The following BRIP1 variants were observed in gnomAD, a reference collection of about 807,000 sequenced individuals.
BRIP1 encodes the protein Fanconi anemia group J protein.
BRIP1 carries 88 observed loss-of-function variants against 119.7 expected under a neutral mutation model. The observed-to-expected ratio is 0.74, with a 90% CI of 0.62 to 0.88. The LOEUF (loss-of-function observed/expected upper bound fraction) is 0.88. BRIP1 is among the 40% of genes least tolerant of loss of function. The probability of loss-of-function intolerance (pLI) is 0.00; values close to 1 mark genes in which losing one functional copy is unlikely to be tolerated. For missense variants in BRIP1, 1,259 were observed against 1,455.4 expected, an observed-to-expected ratio of 0.87 and a Z score of 2.20; for synonymous variants, 443 against 496.5, an observed-to-expected ratio of 0.89 and a Z score of 1.43.
At chr17:61,772,835 A>C (rs2077477842) in intron 14 of BRIP1, among the ~76,000 whole-genome samples, 1 of 151,058 alleles carries the variant, frequency 6.6e-6, no homozygotes, top group Non-Finnish European at 1.5e-5. Flanking sequence ...AAAAAAAAAA[A>C]AAAAAAAACC....
rs547152856 is a variant in BRIP1, at chr17:61,814,492, G to A, written c.628-5735C>T. 7.9e-5 allele frequency among the ~76,000 whole-genome samples: 12 copies of A among 152,164 alleles called. No individual in the cohort carries two copies. In the South Asian group the frequency reaches 2.3e-3, roughly 29 times the overall value. ...TGAAAGGCTAATAAATATCTGAAAA[G>A]ATGTGCCATCTAATGTACAGCTTCA... is the stretch of plus-strand genomic sequence containing the variant. On this transcript the variant is annotated intron_variant, in intron 6 of 19. Coordinates refer to ENST00000259008, the MANE Select transcript of BRIP1 (RefSeq NM_032043.3). This position sits in a 1 kb window ranked among gnomAD's most constrained non-coding sequence, Gnocchi z 4.9.
At chr17:61,840,355 CAAAAAAAAAA>C (rs11334899) in intron 6 of BRIP1, among the ~76,000 whole-genome samples, 4 of 105,098 alleles carry the variant, frequency 3.8e-5, no homozygotes, top group Admixed American at 2.2e-4. Flanking sequence ...GACTCCGTCT[CAAAAAAAAAA>C]AAAAAAAAAA....
At position 61,700,053 on chromosome 17, in the gene BRIP1, G is replaced by A. The variant is rs1038293365; in HGVS notation, c.2493-6541C>T. On this transcript the variant is annotated intron_variant, in intron 17 of 19. Coordinates refer to ENST00000259008, the MANE Select transcript of BRIP1 (RefSeq NM_032043.3). This position sits in a 1 kb window ranked among gnomAD's most constrained non-coding sequence, Gnocchi z 4.1. ...CTCTTTGCTGACTGTGCTTGGTGTC[G>A]TTTCACTGTAATAAATCCTAGCCAT... Among the ~76,000 whole-genome samples the A allele has an allele frequency of 7.2e-5, 11 of 152,110 alleles. No individual in the cohort carries two copies. The East Asian group carries it at 1.2e-3, about 16-fold the overall frequency.
rs2078395855 is a variant in BRIP1, at chr17:61,825,659, AAAT to A, written c.628-16905_628-16903del. 6.6e-6 allele frequency among the ~76,000 whole-genome samples: 1 copy of A among 150,508 alleles called. No individual in the cohort carries two copies. Among genetic ancestry groups the A allele is most frequent in the South Asian group, 2.1e-4 (1 of 4,790 alleles). On this transcript the variant is annotated intron_variant, in intron 6 of 19. Coordinates refer to ENST00000259008, the MANE Select transcript of BRIP1 (RefSeq NM_032043.3). The surrounding 1 kb of genome is among the most constrained non-coding windows in gnomAD (Gnocchi z 4.1). ...TAAATAAATAAATAAATAAATAAAT[AAAT>A]AAATAAAATAACTGGGAATACAACT...
chr17:61,778,416 C>T lies in BRIP1; in HGVS notation c.1935+1845G>A, dbSNP rs1567810683. ...GAAAGTCTTGAGATTGGTTGCACAA[C>T]AACATATACATACTTAATAAGACTG... is the stretch of plus-strand genomic sequence containing the variant. On this transcript the variant is annotated intron_variant, in intron 13 of 19. Coordinates refer to ENST00000259008, the MANE Select transcript of BRIP1 (RefSeq NM_032043.3). This position sits in a 1 kb window ranked among gnomAD's most constrained non-coding sequence, Gnocchi z 4.4. 6.6e-6 allele frequency among the ~76,000 whole-genome samples: 1 copy of T among 152,056 alleles called. No individual in the cohort carries two copies. Among genetic ancestry groups the T allele is most frequent in the Non-Finnish European group, 1.5e-5 (1 of 68,012 alleles).
rs1490510639 is a variant in BRIP1 at position 61,757,649 on chromosome 17, G to A, written c.2098-13058C>T. ...CAAAAAACTTCAAAAAATGACATTT[G>A]TAAAACAACTAACATATTTACACAT... On this transcript the variant is annotated intron_variant, in intron 14 of 19. Transcript: ENST00000259008. The surrounding 1 kb of genome is among the most constrained non-coding windows in gnomAD (Gnocchi z 4.3). Among the ~76,000 whole-genome samples, 1 of 152,130 alleles carries A rather than the reference G, an allele frequency of 6.6e-6. No homozygotes were observed. Among genetic ancestry groups the A allele is most frequent in the Non-Finnish European group, 1.5e-5 (1 of 68,022 alleles).
At chr17:61,858,004 A>T in intron 3 of BRIP1, among the ~76,000 whole-genome samples, 1 of 152,146 alleles carries the variant, frequency 6.6e-6, no homozygotes. Flanking sequence ...TTCTATTTCA[A>T]ATAGAAACAT....
intron 17 of BRIP1, among the ~76,000 whole-genome samples, chr17:61,711,292 T>C (rs1365035815): frequency 6.6e-6 from 1 of 152,124 alleles, no homozygotes; most frequent in Non-Finnish European, 1.5e-5. Flanking sequence ...TAAGAATACT[T>C]ATTTTCCGCA....
intron 16 of BRIP1, among the ~76,000 whole-genome samples, chr17:61,719,185 C>T (rs574006461): frequency 3.2e-4 from 47 of 148,508 alleles, no homozygotes; most frequent in Non-Finnish European, 5.5e-4. Flanking sequence ...TGCCCCCCCC[C>T]CATGTTTATT....
In BRIP1 at chr17:61,853,733, C is replaced by A. The variant is rs2078855898; in HGVS notation, c.379+3325G>T. 1.3e-5 allele frequency among the ~76,000 whole-genome samples: 2 copies of A among 152,186 alleles called. No homozygotes were observed. Among genetic ancestry groups the A allele is most frequent in the Admixed American group, 1.3e-4 (2 of 15,280 alleles). ...TTGAATCCATACCTTACACCATATA[C>A]ACATATTAACTCAAAATGGATCTTA... On this transcript the variant is annotated intron_variant, in intron 4 of 19. Transcript: ENST00000259008. This position sits in a 1 kb window ranked among gnomAD's most constrained non-coding sequence, Gnocchi z 4.3.
rs1276460919 is a variant in BRIP1, at chr17:61,856,424, G to A, written c.379+634C>T. On this transcript the variant is annotated intron_variant, in intron 4 of 19. Transcript: ENST00000259008. The surrounding 1 kb of genome is among the most constrained non-coding windows in gnomAD (Gnocchi z 5.1). ...AGAAATGGTAGTTTGGACTATGGAG[G>A]TACCAATGGATATGGAGATGTACAT... is the stretch of plus-strand genomic sequence containing the variant. Among the ~76,000 whole-genome samples, 1 of 152,172 alleles carries A rather than the reference G, an allele frequency of 6.6e-6. No homozygotes were observed. Among genetic ancestry groups the A allele is most frequent in the East Asian group, 1.9e-4 (1 of 5,200 alleles).
rs2077004169 is a variant in BRIP1, at chr17:61,742,902, T to TA, written c.2379+110dup. On this transcript the variant is annotated intron_variant, in intron 16 of 19. Transcript: ENST00000259008. The surrounding 1 kb of genome is among the most constrained non-coding windows in gnomAD (Gnocchi z 4.7). ...AGGGTTACCATAAACCTTCAATTTG[T>TA]AAAAAAGCACTATAAAAGCAAAGCG... The TA allele has an allele frequency of 2.1e-6, 3 of 1,401,096 alleles. No homozygotes were observed. Among genetic ancestry groups the TA allele is most frequent in the African/African-American group, 1.4e-5 (1 of 69,908 alleles). The allele number at this position is 1,401,096 out of a possible 1,614,324, so 86.8% of individuals were successfully genotyped here. A position where few individuals can be genotyped will look rare whatever the true frequency, so the allele number is the denominator to read the frequency against.
At chr17:61,719,928 A>C (rs1388575996) in intron 16 of BRIP1, among the ~76,000 whole-genome samples, 1 of 152,046 alleles carries the variant, frequency 6.6e-6, no homozygotes, top group Non-Finnish European at 1.5e-5. Context: ...TCCTGGGCTC[A>C]AGTGATTCTC....
chr17:61,813,133 C>T (rs2078187890), intron 6 of BRIP1, among the ~76,000 whole-genome samples: 1 of 151,392 alleles, frequency 6.6e-6, no homozygotes, highest in Admixed American at 6.6e-5. Flanking sequence ...AAGGAGACTA[C>T]AAATTGAATT....
chr17:61,837,907 G>C (rs1603356950), intron 6 of BRIP1, among the ~76,000 whole-genome samples: 1 of 152,146 alleles, frequency 6.6e-6, no homozygotes, highest in East Asian at 1.9e-4. Flanking sequence ...GACTAGAAAT[G>C]ATAGAAAAAT....
rs2078915624 is a variant in BRIP1, at chr17:61,857,553, G to A, written c.206-322C>T. ...AGCCTGGCCAATATGGTAAAACCCT[G>A]TCTCTACTAAAAATACAAAAATTAG... is the stretch of plus-strand genomic sequence containing the variant. On this transcript the variant is annotated intron_variant, in intron 3 of 19. Transcript: ENST00000259008. The surrounding 1 kb of genome is among the most constrained non-coding windows in gnomAD (Gnocchi z 5.1). Among the ~76,000 whole-genome samples, 1 of 152,096 alleles carries A rather than the reference G, an allele frequency of 6.6e-6. No homozygotes were observed. The highest frequency in any genetic ancestry group is 2.4e-5 in the African/African-American group (1 of 41,406).
chr17:61,858,492 G>A (rs1327958772), intron 3 of BRIP1, among the ~76,000 whole-genome samples: 1 of 151,586 alleles, frequency 6.6e-6, no homozygotes, highest in East Asian at 1.9e-4. Context: ...TCCTGTCTCA[G>A]CCTCTCGAGT....
rs1281475628 is a variant in BRIP1 at position 61,748,919 on chromosome 17, C to T, written c.2098-4328G>A. On this transcript the variant is annotated intron_variant, in intron 14 of 19. Coordinates refer to ENST00000259008, the MANE Select transcript of BRIP1 (RefSeq NM_032043.3). This position sits in a 1 kb window ranked among gnomAD's most constrained non-coding sequence, Gnocchi z 4.7. Reference sequence around the variant, plus strand: ...TTGGGAGGCCAAGGCGGGCAGATCACGAGGTCAGGAGATTGAGACCATCCT... The same window carrying T: ...TTGGGAGGCCAAGGCGGGCAGATCATGAGGTCAGGAGATTGAGACCATCCT... Among the ~76,000 whole-genome samples the T allele has an allele frequency of 3.9e-5, 6 of 152,130 alleles. No individual in the cohort carries two copies. Among genetic ancestry groups the T allele is most frequent in the African/African-American group, 4.8e-5 (2 of 41,436 alleles).
chr17:61,801,200 A>T, intron 8 of BRIP1, 53 bp downstream of exon 8: 1 of 1,513,812 alleles, frequency 6.6e-7, no homozygotes, highest in Non-Finnish European at 9.2e-7. Flanking sequence ...TACATTCAAC[A>T]TTTACATCTC....
Sources: allele counts gnomAD v4.1 joint callset (sites outside exome capture counted in the v4.1 genomes callset), GRCh38; gene constraint gnomAD v4.1.1; non-coding constraint Gnocchi (gnomAD v3.1); transcripts MANE v1.5; gene names NCBI Gene and HGNC (gene_info 2026-07-23, HGNC 2026-07-21).